Variants in TENM4 observed in about 807,000 individuals in gnomAD.
TENM4 encodes the protein teneurin transmembrane protein 4, also known as teneurin-4.
A neutral mutation model predicts 243.3 loss-of-function variants in TENM4; 82 were observed. That is an observed-to-expected ratio of 0.34 (90% CI 0.28 to 0.40). The LOEUF (loss-of-function observed/expected upper bound fraction) is 0.40. TENM4 is among the 10% of genes least tolerant of loss of function. The probability of loss-of-function intolerance (pLI) is 1.00; values close to 1 mark genes in which losing one functional copy is unlikely to be tolerated. For synonymous variants in TENM4, 1,412 were observed against 1,456.3 expected (o/e 0.97, Z 0.69); for missense variants, 3,138 against 3,673.3 (o/e 0.85, Z 3.77).
intron 28 of TENM4, among the ~76,000 whole-genome samples, chr11:78,691,976 G>A (rs1221479650): frequency 2.0e-5 from 3 of 152,104 alleles, no homozygotes; most frequent in Non-Finnish European, 4.4e-5. Flanking sequence ...CCAGTCCTCT[G>A]GGCCCCGCAC....
At chr11:79,032,206 G>A (rs1261758175) in intron 6 of TENM4, among the ~76,000 whole-genome samples, 1 of 152,140 alleles carries the variant, frequency 6.6e-6, no homozygotes, top group Non-Finnish European at 1.5e-5. Context: ...AGGCCAATGG[G>A]AACACAATCC....
At chr11:79,370,779 T>TAAAAAAAAAAAAAAAAAAA (rs544196671) in intron 1 of TENM4, among the ~76,000 whole-genome samples, 2 of 57,144 alleles carry the variant, frequency 3.5e-5, no homozygotes, top group African/African-American at 1.2e-4. Flanking sequence ...ACTCCTATGG[T>TAAAAAAAAAAAAAAAAAAA]AAAAAAAAAA....
chr11:79,355,671 C>T (rs1857484970), intron 1 of TENM4, among the ~76,000 whole-genome samples: 3 of 114,432 alleles, frequency 2.6e-5, no homozygotes, highest in African/African-American at 7.1e-5. Flanking sequence ...AATTCCTTTT[C>T]AGAGAACCTT....
chr11:78,944,831 C>A (rs1223237095), intron 6 of TENM4, among the ~76,000 whole-genome samples: 1 of 152,120 alleles, frequency 6.6e-6, no homozygotes, highest in Non-Finnish European at 1.5e-5. Context: ...CAGATGAAAC[C>A]ACTGAGGCTC....
intron 4 of TENM4, among the ~76,000 whole-genome samples, chr11:79,085,694 C>T (rs535761377): frequency 1.4e-4 from 21 of 152,214 alleles, no homozygotes; most frequent in East Asian, 1.2e-3. Context: ...TCCTCACTCA[C>T]GTTGTCTCCA....
In TENM4 at chr11:79,140,712, C is replaced by T. The variant is rs193252528; in HGVS notation, c.-66+7998G>A. 3.3e-5 allele frequency among the ~76,000 whole-genome samples: 5 copies of T among 152,120 alleles called. No homozygotes were observed. The East Asian group carries it at 9.7e-4, about 29-fold the overall frequency. ...AAAAGCACCAAGCCAGAATAGAAGC[C>T]TTCGTTGTCAGATCTTATTCTCCAA... On this transcript the variant is annotated intron_variant, in intron 4 of 33. Transcript: ENST00000278550.
At chr11:79,154,966 T>G (rs1862574848) in intron 3 of TENM4, among the ~76,000 whole-genome samples, 2 of 152,202 alleles carry the variant, frequency 1.3e-5, no homozygotes, top group Admixed American at 1.3e-4. Context: ...ACTTGTTGAA[T>G]GAGTGCATTT....
chr11:78,741,007 C>T (rs1240350014), intron 19 of TENM4, among the ~76,000 whole-genome samples: 1 of 152,244 alleles, frequency 6.6e-6, no homozygotes, highest in Non-Finnish European at 1.5e-5. Flanking sequence ...ATAGAGGCCT[C>T]TTGCCAACAC....
chr11:79,349,550 C>T (rs1857381537), intron 1 of TENM4, among the ~76,000 whole-genome samples: 1 of 152,150 alleles, frequency 6.6e-6, no homozygotes, highest in Admixed American at 6.5e-5. Flanking sequence ...CACACCATTC[C>T]AGGTGCCAGA....
At chr11:78,661,394 C>G (rs2135633419) in intron 33 of TENM4, 55 bp downstream of exon 33, 1 of 1,570,810 alleles carries the variant, frequency 6.4e-7, no homozygotes, top group East Asian at 2.3e-5. Flanking sequence ...CTGAAGGGAC[C>G]CCCTCCAGTA....
chr11:78,750,637 G>A (rs930884817), intron 19 of TENM4, among the ~76,000 whole-genome samples: 2 of 152,136 alleles, frequency 1.3e-5, no homozygotes, highest in African/African-American at 2.4e-5. Flanking sequence ...GAGCACTTTT[G>A]TCTCTACTTC....
In TENM4 at chr11:79,318,516, T is replaced by C. The variant is rs552223988; in HGVS notation, c.-320-20973A>G. 1.1e-3 allele frequency among the ~76,000 whole-genome samples: 167 copies of C among 152,284 alleles called. 2 individuals are homozygous for C. Among genetic ancestry groups the C allele is most frequent in the Middle Eastern group, 3.4e-3 (1 of 294 alleles). On this transcript the variant is annotated intron_variant, in intron 1 of 33. Coordinates refer to ENST00000278550, the MANE Select transcript of TENM4 (RefSeq NM_001098816.3). Reference sequence around the variant, plus strand: ...GTAGTGTTTGCTGATTTCCATGGTGTAAATACTCCAACCATGGCTGGTTTC... The same window carrying C: ...GTAGTGTTTGCTGATTTCCATGGTGCAAATACTCCAACCATGGCTGGTTTC...
At chr11:78,777,315 C>A (rs182424515) in intron 17 of TENM4, among the ~76,000 whole-genome samples, 1 of 152,136 alleles carries the variant, frequency 6.6e-6, no homozygotes, top group Non-Finnish European at 1.5e-5. Flanking sequence ...GGATCCTATG[C>A]GACACCTTTG....
chr11:79,409,419 T>A (rs1189857068), intron 1 of TENM4, among the ~76,000 whole-genome samples: 2 of 152,120 alleles, frequency 1.3e-5, no homozygotes, highest in African/African-American at 4.8e-5. Flanking sequence ...GAGGCATATT[T>A]GTGTGACCCA....
rs774589816 is a variant in TENM4, at chr11:78,738,441, G to T, written c.2876+10C>A. ...CCTTCACTGTTTCTGGCTCATAGAA[G>T]GTCTCCTACCTGCCATCTTGCCTGC... On this transcript the variant is annotated intron_variant, in intron 20 of 33. Transcript: ENST00000278550. 6.2e-7 allele frequency: 1 copy of T among 1,612,512 alleles called. No homozygotes were observed. The highest frequency in any genetic ancestry group is 2.2e-5 in the East Asian group (1 of 44,822).
rs572012621 is a variant in TENM4, at chr11:79,233,154, G to A, written c.-264-17245C>T. Among the ~76,000 whole-genome samples, 15 of 152,236 alleles carry A rather than the reference G, an allele frequency of 9.9e-5. No individual in the cohort carries two copies. The South Asian group carries it at 1.7e-3, about 17-fold the overall frequency. On this transcript the variant is annotated intron_variant, in intron 2 of 33. Coordinates refer to ENST00000278550, the MANE Select transcript of TENM4 (RefSeq NM_001098816.3). ...GACTGAGTCAGACGCCATGCCTTGG[G>A]TTTCCCTTCCCAAACAATGTTATTT...
At chr11:78,937,515 G>C (rs1278997990) in intron 6 of TENM4, among the ~76,000 whole-genome samples, 1 of 152,148 alleles carries the variant, frequency 6.6e-6, no homozygotes, top group Non-Finnish European at 1.5e-5. Flanking sequence ...TTTCCCAAAT[G>C]TATTTGTCCA....
At chr11:78,853,717 A>C (rs1858602001) in intron 12 of TENM4, among the ~76,000 whole-genome samples, 1 of 152,200 alleles carries the variant, frequency 6.6e-6, no homozygotes, top group Non-Finnish European at 1.5e-5. Flanking sequence ...AACCAAAACA[A>C]AACCCAAACC....
At chr11:79,207,184 G>C (rs1393147138) in intron 3 of TENM4, among the ~76,000 whole-genome samples, 1 of 152,184 alleles carries the variant, frequency 6.6e-6, no homozygotes, top group African/African-American at 2.4e-5. Flanking sequence ...GAATGAGCAG[G>C]AGTTTGCCAG....
Sources: gnomAD v4.1 joint callset for allele counts (sites outside exome capture counted in the v4.1 genomes callset) on GRCh38, gnomAD v4.1.1 for gene constraint, MANE v1.5 for transcripts, NCBI Gene and HGNC (gene_info 2026-07-23, HGNC 2026-07-21) for gene names.